The following FAM90A20 variants were observed in gnomAD, a reference collection of about 807,000 sequenced individuals.
FAM90A20 encodes family with sequence similarity 90 member A20.
the FAM90A20 span, chr8:7,297,583 C>T: frequency 2.7e-6 from 4 of 1,508,166 alleles, no homozygotes; most frequent in South Asian, 4.5e-5. Context: ...TCCCCGAAAG[C>T]ACCATCCAGG....
chr8:7,297,761 A>G, the FAM90A20 span: 148 of 1,475,736 alleles, frequency 1.0e-4, 9 homozygotes, highest in East Asian at 1.4e-3. Context: ...GGCCTGCACC[A>G]TGTCCCATCA....
chr8:7,297,199 T>C, the FAM90A20 span: 56,642 of 1,518,944 alleles, frequency 0.037, 7,005 homozygotes, highest in African/African-American at 0.19. Context: ...GAAAAGCCAG[T>C]CTGAGCTCCT....
At chr8:7,296,212 G>T in the FAM90A20 span, 6 of 661,918 alleles carry the variant, frequency 9.1e-6, 1 homozygote, top group South Asian at 4.5e-5. Flanking sequence ...ACGGAATGGG[G>T]CTGGGCCCCA....
chr8:7,296,942 C>A, the FAM90A20 span: 3 of 860,940 alleles, frequency 3.5e-6, 1 homozygote, highest in Non-Finnish European at 5.3e-6. Context: ...TTCCAAGGAC[C>A]GCCTGTCGAT....
the FAM90A20 span, chr8:7,297,568 C>G: frequency 3.3e-6 from 5 of 1,513,226 alleles, 1 homozygote; most frequent in South Asian, 1.1e-5. Context: ...TGGGTCCCTT[C>G]CAGATCCCCG....
the FAM90A20 span, chr8:7,297,318 A>G: frequency 1.5e-6 from 2 of 1,358,324 alleles, no homozygotes; most frequent in Non-Finnish European, 2.1e-6. Flanking sequence ...GAGCCGACAC[A>G]CAGCAGCCCT....
the FAM90A20 span, chr8:7,297,396 C>A: frequency 4.6e-6 from 7 of 1,533,914 alleles, no homozygotes; most frequent in Middle Eastern, 2.3e-4. Flanking sequence ...GCCGTCAGAA[C>A]CCAGGCACAA....
At chr8:7,297,314 A>T in the FAM90A20 span, 1 of 1,357,864 alleles carries the variant, frequency 7.4e-7, no homozygotes, top group Non-Finnish European at 1.0e-6. Flanking sequence ...GGTGGAGCCG[A>T]CACACAGCAG....
At chr8:7,297,167 T>C in the FAM90A20 span, 14 of 1,535,526 alleles carry the variant, frequency 9.1e-6, no homozygotes, top group Admixed American at 5.1e-5. Context: ...GGGCTCCGTC[T>C]TGGCTTCACT....
chr8:7,297,104 C>G, the FAM90A20 span: 5 of 1,501,248 alleles, frequency 3.3e-6, no homozygotes, highest in Non-Finnish European at 4.5e-6. Flanking sequence ...CTGTAAGAGG[C>G]CGCGCATGGA....
the FAM90A20 span, chr8:7,297,743 A>C: frequency 6.7e-7 from 1 of 1,487,294 alleles, no homozygotes; most frequent in African/African-American, 2.0e-5. Flanking sequence ...TTGCCTGCCT[A>C]CTGCCCAGGC....
chr8:7,297,368 A>C, the FAM90A20 span: 4 of 1,476,564 alleles, frequency 2.7e-6, 1 homozygote, highest in East Asian at 6.7e-5. Flanking sequence ...TGCCTCCAAA[A>C]CCCACGGCCT....
chr8:7,296,797 G>T, the FAM90A20 span, among the ~76,000 whole-genome samples: 1 of 136,040 alleles, frequency 7.4e-6, no homozygotes, highest in Non-Finnish European at 1.5e-5. Context: ...CTGAGTGGAG[G>T]CACTTTGATC....
At chr8:7,297,262 T>A in the FAM90A20 span, 2 of 1,424,928 alleles carry the variant, frequency 1.4e-6, 1 homozygote, top group African/African-American at 4.2e-5. Context: ...CCGACATCCC[T>A]CGGCCTGCAG....
At chr8:7,297,308 G>A in the FAM90A20 span, 178 of 1,354,440 alleles carry the variant, frequency 1.3e-4, 33 homozygotes, top group South Asian at 5.4e-4. Flanking sequence ...CCTCGTGGTG[G>A]AGCCGACACA....
chr8:7,297,467 C>G, the FAM90A20 span: 1 of 1,547,242 alleles, frequency 6.5e-7, no homozygotes, highest in Non-Finnish European at 8.7e-7. Flanking sequence ...CAGCTTGGGC[C>G]TAGGCTCCAA....
the FAM90A20 span, chr8:7,297,010 T>G: frequency 3.3e-5 from 47 of 1,415,022 alleles, 4 homozygotes; most frequent in East Asian, 7.4e-5. Flanking sequence ...TTGATTTTCA[T>G]GTTGGCTCCA....
chr8:7,296,099 G>A, the FAM90A20 span, among the ~76,000 whole-genome samples: 1 of 130,812 alleles, frequency 7.6e-6, no homozygotes, highest in Non-Finnish European at 1.5e-5. Context: ...ACAGTCCTTA[G>A]TTGGGAAGCC....
At chr8:7,297,347 G>T in the FAM90A20 span, 10 of 1,411,156 alleles carry the variant, frequency 7.1e-6, 1 homozygote, top group East Asian at 6.8e-5. Context: ...CTGCCGAGAA[G>T]TTCCCCAGGC....
Sources: gnomAD v4.1 joint callset for allele counts (sites outside exome capture counted in the v4.1 genomes callset) on GRCh38, gnomAD v4.1.1 for gene constraint, MANE v1.5 for transcripts, NCBI Gene and HGNC (gene_info 2026-07-23, HGNC 2026-07-21) for gene names.